The following PTBP3 variants were observed in gnomAD, a reference collection of about 807,000 sequenced individuals.
PTBP3 encodes polypyrimidine tract binding protein 3.
A neutral mutation model predicts 58.7 loss-of-function variants in PTBP3; 20 were observed. That is an observed-to-expected ratio of 0.34 (90% CI 0.24 to 0.50). The LOEUF is 0.50. PTBP3 is among the 20% of genes least tolerant of loss of function. PTBP3 has a pLI of 0.98. For missense variants in PTBP3, 509 were observed against 637.2 expected, an observed-to-expected ratio of 0.80 and a Z score of 2.17; for synonymous variants, 185 against 219.8, an observed-to-expected ratio of 0.84 and a Z score of 1.40.
chr9:112,339,887 G>A, the PTBP3 span, among the ~76,000 whole-genome samples: 8 of 152,152 alleles, frequency 5.3e-5, no homozygotes, highest in South Asian at 1.0e-3. Flanking sequence ...ATTTTTAAAT[G>A]ATATAAATTT....
intron 9 of PTBP3, 151 bp downstream of exon 9, chr9:112,231,948 A>AGAAGAGAAGG (rs1276221690): frequency 4.7e-6 from 2 of 425,142 alleles, no homozygotes; most frequent in African/African-American, 7.9e-5. Flanking sequence ...AGAAGAGAAG[A>AGAAGAGAAGG]GAAGAGAAGA....
chr9:112,249,934 A>G (rs149725613), intron 7 of PTBP3, among the ~76,000 whole-genome samples: 114 of 152,198 alleles, frequency 7.5e-4, no homozygotes, highest in African/African-American at 2.5e-3. Context: ...TAACAAATAC[A>G]AAACACAAAA....
chr9:112,235,039 T>C, intron 7 of PTBP3, 142 bp from the exon 8 acceptor site: 2 of 654,028 alleles, frequency 3.1e-6, no homozygotes, highest in African/African-American at 1.8e-5. Flanking sequence ...AAGTGATCTT[T>C]AACGTATAAA....
Position 112,307,472 on chromosome 9 carries a change from T to G in PTBP3, c.-51-9556A>C, listed in dbSNP as rs1465320547. 2.0e-5 allele frequency among the ~76,000 whole-genome samples: 3 copies of G among 152,048 alleles called. No homozygotes were observed. The East Asian group carries it at 5.8e-4, about 29-fold the overall frequency. On this transcript the variant is annotated intron_variant, in intron 1 of 13. Coordinates refer to ENST00000374257, the MANE Select transcript of PTBP3 (RefSeq NM_001163788.4). ...GTCCCAAAATAAAAAATAAAAAAGA[T>G]AAATAAGATCATAAAGTTTCATTCC...
chr9:112,338,494 A>C (rs993660032), upstream of PTBP3, among the ~76,000 whole-genome samples: 1 of 152,214 alleles, frequency 6.6e-6, no homozygotes, highest in South Asian at 2.1e-4. Context: ...TTATTTCAAA[A>C]TAAAGAAACC....
rs1029611529 is a variant in PTBP3, at chr9:112,223,258, A to G, written c.*593T>C. 2.1e-6 allele frequency: 2 copies of G among 943,066 alleles called. No individual in the cohort carries two copies. The highest frequency in any genetic ancestry group is 1.3e-6 in the Non-Finnish European group (1 of 791,046). The allele number at this position is 943,066 out of a possible 1,614,324, so 58.4% of individuals were successfully genotyped here. ...GAGTGTCTTACAGTGAAAAAAAGAA[A>G]TCATTCAAAGAAAACATGCAGGTTT... On this transcript the variant is annotated 3_prime_UTR_variant, in exon 14 of 14. Coordinates refer to ENST00000374257, the MANE Select transcript of PTBP3 (RefSeq NM_001163788.4).
intron 7 of PTBP3, chr9:112,242,422 T>A (rs1044275177): frequency 1.5e-5 from 2 of 132,406 alleles, no homozygotes; most frequent in Non-Finnish European, 3.3e-5. Context: ...ATTTACAATA[T>A]GTAAATTATT....
chr9:112,227,326 C>T, intron 12 of PTBP3, 85 bp downstream of exon 12: 1 of 1,438,430 alleles, frequency 7.0e-7, no homozygotes, highest in Non-Finnish European at 9.7e-7. Context: ...TAGGTTAGAA[C>T]AATTTCAGAA....
chr9:112,261,252 G>A (rs1836582060), intron 5 of PTBP3, among the ~76,000 whole-genome samples: 1 of 152,144 alleles, frequency 6.6e-6, no homozygotes. Context: ...CTTCACAAAT[G>A]CATATGTTTT....
At chr9:112,225,130 C>A (rs572177106) in intron 12 of PTBP3, among the ~76,000 whole-genome samples, 56 of 152,184 alleles carry the variant, frequency 3.7e-4, no homozygotes, top group Non-Finnish European at 6.9e-4. Flanking sequence ...CCATACATAA[C>A]TAATATAGTG....
rs554903921 is a variant in PTBP3 at position 112,222,369 on chromosome 9, A to T, written c.*1482T>A. ...AAATAACCCACCTTCTCATACTCCA[A>T]ATACGTGGGTACTCAGTAATGAAAG... On this transcript the variant is annotated 3_prime_UTR_variant, in exon 14 of 14. Transcript: ENST00000374257. 1.0e-6 allele frequency: 1 copy of T among 985,764 alleles called. No homozygotes were observed. Among genetic ancestry groups the T allele is most frequent in the East Asian group, 1.1e-4 (1 of 8,818 alleles). The allele number at this position is 985,764 out of a possible 1,614,324, so 61.1% of individuals were successfully genotyped here. A position where few individuals can be genotyped will look rare whatever the true frequency, so the allele number is the denominator to read the frequency against.
rs1834701218 is a variant in PTBP3, at chr9:112,218,639, T to C, written c.*5212A>G. ...ATGTTTTTTAATATTTTATCTTCTC[T>C]TTGCATTTATAACATAATTCACTTC... On this transcript the variant is annotated 3_prime_UTR_variant, in exon 14 of 14. Coordinates refer to ENST00000374257, the MANE Select transcript of PTBP3 (RefSeq NM_001163788.4). 1 of 152,642 alleles carries C rather than the reference T, an allele frequency of 6.6e-6. No individual in the cohort carries two copies. The highest frequency in any genetic ancestry group is 1.5e-5 in the Non-Finnish European group (1 of 68,038). The allele number at this position is 152,642 out of a possible 1,614,324, so 9.5% of individuals were successfully genotyped here. A position where few individuals can be genotyped will look rare whatever the true frequency, so the allele number is the denominator to read the frequency against.
chr9:112,347,765 G>A, the PTBP3 span, among the ~76,000 whole-genome samples: 1 of 152,102 alleles, frequency 6.6e-6, no homozygotes, highest in Non-Finnish European at 1.5e-5. Flanking sequence ...CATGACAAGG[G>A]ATTAATACAA....
the PTBP3 span, among the ~76,000 whole-genome samples, chr9:112,369,204 T>G: frequency 1.3e-5 from 2 of 152,332 alleles, no homozygotes; most frequent in Non-Finnish European, 2.9e-5. Context: ...GAGTCCCCAC[T>G]GGGATACTGC....
intron 7 of PTBP3, among the ~76,000 whole-genome samples, chr9:112,236,867 G>A (rs1464534118): frequency 6.6e-6 from 1 of 152,076 alleles, no homozygotes; most frequent in Non-Finnish European, 1.5e-5. Context: ...GATCTTTAGC[G>A]TGGGCCCTAG....
chr9:112,376,252 GTTTT>G, the PTBP3 span, among the ~76,000 whole-genome samples: 595 of 74,998 alleles, frequency 7.9e-3, 12 homozygotes, highest in African/African-American at 0.033. Context: ...AGTTTATTAA[GTTTT>G]TTTTTTTTTT....
At chr9:112,339,264 C>A in the PTBP3 span, among the ~76,000 whole-genome samples, 2 of 132,488 alleles carry the variant, frequency 1.5e-5, no homozygotes, top group Non-Finnish European at 3.1e-5. Flanking sequence ...GCACTCCAGT[C>A]TGCCTGACAC....
the PTBP3 span, among the ~76,000 whole-genome samples, chr9:112,366,570 A>G: frequency 6.6e-6 from 1 of 152,116 alleles, no homozygotes; most frequent in Non-Finnish European, 1.5e-5. Context: ...CGTGGTGGTG[A>G]GCCTGCAAGT....
intron 3 of PTBP3, among the ~76,000 whole-genome samples, chr9:112,270,511 G>A (rs575181135): frequency 9.9e-5 from 15 of 152,018 alleles, no homozygotes; most frequent in Admixed American, 2.6e-4. Context: ...ATAAACATAC[G>A]AAGCATTTTT....
Sources: allele counts gnomAD v4.1 joint callset (sites outside exome capture counted in the v4.1 genomes callset), GRCh38; gene constraint gnomAD v4.1.1; transcripts MANE v1.5; gene names NCBI Gene and HGNC (gene_info 2026-07-23, HGNC 2026-07-21).